Variants in GPR39 observed in about 807,000 individuals in gnomAD.
GPR39 encodes zinc sensing receptor.
Under a neutral mutation model 18.4 loss-of-function variants are expected in GPR39, and 23 were observed. That is an observed-to-expected ratio of 1.25 (90% CI 0.90 to 1.77). The LOEUF (loss-of-function observed/expected upper bound fraction) is 1.77, where lower values mean the gene tolerates loss of function less well. Among genes scored for constraint, GPR39 ranks in the 40% most tolerant of loss-of-function variants. GPR39 has a pLI of 0.00. For synonymous variants in GPR39, 280 were observed against 257.9 expected (o/e 1.09, Z -0.82); for missense variants, 647 against 602.4 (o/e 1.07, Z -0.78).
At chr2:132,509,320 A>G (rs992702264) in intron 1 of GPR39, among the ~76,000 whole-genome samples, 3 of 152,212 alleles carry the variant, frequency 2.0e-5, no homozygotes, top group African/African-American at 7.2e-5. Flanking sequence ...AGAGATGCAC[A>G]GAGCAGGACA....
intron 1 of GPR39, among the ~76,000 whole-genome samples, chr2:132,590,745 G>A (rs1680812526): frequency 6.6e-6 from 1 of 152,044 alleles, no homozygotes; most frequent in Admixed American, 6.6e-5. Context: ...CCAACCACCT[G>A]GGAAGACTGA....
intron 1 of GPR39, among the ~76,000 whole-genome samples, chr2:132,465,950 G>A (rs1266014958): frequency 2.6e-5 from 4 of 152,126 alleles, no homozygotes; most frequent in African/African-American, 9.7e-5. Context: ...TTGCTTATAT[G>A]TATAGTATTG....
intron 1 of GPR39, among the ~76,000 whole-genome samples, chr2:132,608,428 T>A (rs1050709890): frequency 1.3e-5 from 2 of 152,302 alleles, no homozygotes; most frequent in Non-Finnish European, 2.9e-5. Flanking sequence ...TTGTGTCAGC[T>A]CCTTGCTGTC....
intron 1 of GPR39, among the ~76,000 whole-genome samples, chr2:132,514,420 G>C (rs2872960): frequency 0.33 from 50,027 of 152,098 alleles, 9,880 homozygotes; most frequent in East Asian, 0.79. Context: ...TCTGGAGCAA[G>C]GGATGGTCTG....
intron 1 of GPR39, among the ~76,000 whole-genome samples, chr2:132,538,539 T>C (rs987493804): frequency 3.9e-5 from 6 of 152,214 alleles, no homozygotes; most frequent in African/African-American, 1.4e-4. Context: ...GGAATCCACT[T>C]GAGGAGGCAT....
intron 1 of GPR39, among the ~76,000 whole-genome samples, chr2:132,553,210 G>A (rs1348942423): frequency 6.6e-6 from 1 of 151,354 alleles, no homozygotes; most frequent in Non-Finnish European, 1.5e-5. Flanking sequence ...ACCACGCCCA[G>A]CCACATATCT....
intron 1 of GPR39, among the ~76,000 whole-genome samples, chr2:132,430,922 C>A (rs576791366): frequency 6.6e-6 from 1 of 152,282 alleles, no homozygotes; most frequent in South Asian, 2.1e-4. Context: ...TCTCTTATAT[C>A]CCTGGACTTC....
intron 1 of GPR39, among the ~76,000 whole-genome samples, chr2:132,532,821 A>G (rs1165529719): frequency 2.6e-5 from 4 of 152,188 alleles, no homozygotes; most frequent in Admixed American, 6.5e-5. Flanking sequence ...ACCCTCAATA[A>G]ATTAGGTATT....
intron 1 of GPR39, among the ~76,000 whole-genome samples, chr2:132,635,253 G>A (rs1363525776): frequency 6.6e-6 from 1 of 152,214 alleles, no homozygotes; most frequent in Non-Finnish European, 1.5e-5. Flanking sequence ...TTTCCCTCCT[G>A]CAAACATTTA....
chr2:132,496,584 A>C (rs2104800422), intron 1 of GPR39, among the ~76,000 whole-genome samples: 1 of 152,348 alleles, frequency 6.6e-6, no homozygotes, highest in Non-Finnish European at 1.5e-5. Context: ...ACCTTGGCTA[A>C]GCTCCACCAT....
chr2:132,500,602 T>G (rs759915034), intron 1 of GPR39, among the ~76,000 whole-genome samples: 1 of 152,230 alleles, frequency 6.6e-6, no homozygotes, highest in Non-Finnish European at 1.5e-5. Flanking sequence ...TAGAATGACT[T>G]AGGGAGGATT....
chr2:132,594,714 T>C (rs956954437), intron 1 of GPR39, among the ~76,000 whole-genome samples: 5 of 152,028 alleles, frequency 3.3e-5, no homozygotes, highest in Admixed American at 3.3e-4. Flanking sequence ...GACACCGAGA[T>C]ACCTCTTAAA....
In GPR39 at chr2:132,645,957, C is replaced by A; in HGVS notation, c.*351C>A. On this transcript the variant is annotated 3_prime_UTR_variant, in exon 2 of 2. Transcript: ENST00000329321. ...CCGCTCCCTACCCAGAATAAAAGGA[C>A]ACCCAGAAGAAACTCACTCAGGGAG... is the stretch of plus-strand genomic sequence containing the variant. The A allele has an allele frequency of 1.0e-6, 1 of 983,498 alleles. No homozygotes were observed. The highest frequency in any genetic ancestry group is 1.5e-6 in the Non-Finnish European group (1 of 674,502). The allele number at this position is 983,498 out of a possible 1,614,324, so 60.9% of individuals were successfully genotyped here.
intron 1 of GPR39, among the ~76,000 whole-genome samples, chr2:132,521,172 T>C (rs985756769): frequency 1.4e-4 from 21 of 152,164 alleles, no homozygotes; most frequent in Non-Finnish European, 2.2e-4. Flanking sequence ...AGCTACTGAA[T>C]CTATTTCCTG....
At chr2:132,519,321 T>C (rs975441783) in intron 1 of GPR39, among the ~76,000 whole-genome samples, 2 of 152,186 alleles carry the variant, frequency 1.3e-5, no homozygotes, top group African/African-American at 2.4e-5. Context: ...AAAAAATGCA[T>C]ATTTTTCTGA....
At chr2:132,587,432 T>C (rs1409938669) in intron 1 of GPR39, among the ~76,000 whole-genome samples, 1 of 152,242 alleles carries the variant, frequency 6.6e-6, no homozygotes, top group Non-Finnish European at 1.5e-5. Flanking sequence ...TTAAGGTCCT[T>C]CATAAGAAGT....
intron 1 of GPR39, among the ~76,000 whole-genome samples, chr2:132,644,339 C>T (rs1212291270): frequency 1.3e-5 from 2 of 152,206 alleles, no homozygotes; most frequent in Non-Finnish European, 2.9e-5. Context: ...GACAGCACAG[C>T]TCAGTGCTGC....
intron 1 of GPR39, among the ~76,000 whole-genome samples, chr2:132,529,644 C>T (rs1003278448): frequency 6.6e-6 from 1 of 152,208 alleles, no homozygotes; most frequent in Admixed American, 6.5e-5. Flanking sequence ...GGGTACTCCT[C>T]TGAGACAAAA....
At chr2:132,516,628 A>G (rs1679339859) in intron 1 of GPR39, among the ~76,000 whole-genome samples, 1 of 152,216 alleles carries the variant, frequency 6.6e-6, no homozygotes, top group Non-Finnish European at 1.5e-5. Context: ...ACCTTCAGGA[A>G]AGGTATTCTC....
Sources: allele counts gnomAD v4.1 joint callset (sites outside exome capture counted in the v4.1 genomes callset), GRCh38; gene constraint gnomAD v4.1.1; transcripts MANE v1.5; gene names NCBI Gene and HGNC (gene_info 2026-07-23, HGNC 2026-07-21).